Variants in ZDHHC21 observed in about 807,000 individuals in gnomAD.
ZDHHC21 encodes palmitoyltransferase ZDHHC21.
A neutral mutation model predicts 34.6 loss-of-function variants in ZDHHC21; 15 were observed. That is an observed-to-expected ratio of 0.43 (90% CI 0.29 to 0.67). ZDHHC21 has a LOEUF of 0.67. Ranked by LOEUF, ZDHHC21 falls within the 30% of genes least tolerant of loss-of-function variation. The pLI is 0.14. For synonymous variants in ZDHHC21, 142 were observed against 101.8 expected (o/e 1.40, Z -2.38); for missense variants, 344 against 327.7 (o/e 1.05, Z -0.38).
At chr9:14,673,717 T>C (rs953506138) in intron 4 of ZDHHC21, among the ~76,000 whole-genome samples, 6 of 139,852 alleles carry the variant, frequency 4.3e-5, no homozygotes, top group African/African-American at 1.6e-4. Context: ...AATTTCAATT[T>C]ATTTTAATCA....
Position 14,618,955 on chromosome 9 carries a change from C to A in ZDHHC21, c.*11G>T. 6.3e-7 allele frequency: 1 copy of A among 1,587,492 alleles called. No homozygotes were observed. The highest frequency in any genetic ancestry group is 1.7e-4 in the Middle Eastern group (1 of 5,934). ...GCATGGAGGACCCATCTGTGCCCAC[C>A]ATCCATCTGTTTAGACATGATTGGC... On this transcript the variant is annotated 3_prime_UTR_variant, in exon 10 of 10. Transcript: ENST00000380916.
At chr9:14,691,429 A>ATT (rs1563762523) in intron 1 of ZDHHC21, among the ~76,000 whole-genome samples, 2 of 152,188 alleles carry the variant, frequency 1.3e-5, no homozygotes, top group Non-Finnish European at 1.5e-5. Flanking sequence ...TAAAACCATT[A>ATT]TTTTATTCAT....
At chr9:14,652,945 C>A (rs1321004533) in intron 7 of ZDHHC21, among the ~76,000 whole-genome samples, 1 of 151,950 alleles carries the variant, frequency 6.6e-6, no homozygotes, top group African/African-American at 2.4e-5. Context: ...TACTATGCTG[C>A]CACCTATCTA....
At chr9:14,640,322 AAAAG>A (rs1564260411) in intron 7 of ZDHHC21, among the ~76,000 whole-genome samples, 105 of 150,744 alleles carry the variant, frequency 7.0e-4, no homozygotes, top group African/African-American at 2.4e-3. Flanking sequence ...AAAAAAAAAA[AAAAG>A]AAAGAAAGAA....
At chr9:14,632,953 A>G (rs963635859) in intron 8 of ZDHHC21, among the ~76,000 whole-genome samples, 2 of 152,214 alleles carry the variant, frequency 1.3e-5, no homozygotes, top group Non-Finnish European at 2.9e-5. Context: ...AGAACCCTCA[A>G]ATACTGCTAG....
rs1426405890 is a variant in ZDHHC21, at chr9:14,611,137, GAAGT to G, written c.*7825_*7828del. 6.6e-6 allele frequency: 1 copy of G among 151,726 alleles called. No homozygotes were observed. Among genetic ancestry groups the G allele is most frequent in the Non-Finnish European group, 1.5e-5 (1 of 67,842 alleles). 9.4% of individuals were successfully genotyped at this position (151,726 alleles called of 1,614,324 possible). A position where few individuals can be genotyped will look rare whatever the true frequency, so the allele number is the denominator to read the frequency against. ...AAATACAGTACTTAATACATTTTGA[GAAGT>G]AAAAATTCCACAATTTAAATTAAAA... is the stretch of plus-strand genomic sequence containing the variant. On this transcript the variant is annotated 3_prime_UTR_variant, in exon 10 of 10. Coordinates refer to ENST00000380916, the MANE Select transcript of ZDHHC21 (RefSeq NM_178566.6).
At chr9:14,640,047 G>T in intron 7 of ZDHHC21, 35 bp from the exon 8 acceptor site, 1 of 1,308,360 alleles carries the variant, frequency 7.6e-7, no homozygotes, top group Non-Finnish European at 1.1e-6. Flanking sequence ...AAACCATTCA[G>T]AGTTGCTTAC....
At chr9:14,626,266 A>T (rs1826189239) in intron 8 of ZDHHC21, among the ~76,000 whole-genome samples, 1 of 151,956 alleles carries the variant, frequency 6.6e-6, no homozygotes, top group Non-Finnish European at 1.5e-5. Flanking sequence ...GCAAACCATA[A>T]ATATAAGATT....
At chr9:14,683,067 C>T (rs1456696563) in intron 2 of ZDHHC21, among the ~76,000 whole-genome samples, 3 of 151,558 alleles carry the variant, frequency 2.0e-5, no homozygotes, top group Non-Finnish European at 2.9e-5. Context: ...GCACTAAATG[C>T]CCACAAGAGA....
At chr9:14,627,003 T>A (rs35576718) in intron 8 of ZDHHC21, among the ~76,000 whole-genome samples, 1,641 of 152,176 alleles carry the variant, frequency 0.011, 16 homozygotes, top group Non-Finnish European at 0.017. Context: ...GGGGTCAGCA[T>A]AATTAGCAAT....
chr9:14,676,972 G>A (rs951665005), intron 3 of ZDHHC21, among the ~76,000 whole-genome samples: 2 of 151,900 alleles, frequency 1.3e-5, no homozygotes, highest in Admixed American at 6.6e-5. Context: ...ATATATGAGA[G>A]TAGCTTAAAT....
intron 8 of ZDHHC21, among the ~76,000 whole-genome samples, chr9:14,638,339 A>G (rs935427499): frequency 2.0e-5 from 3 of 152,080 alleles, no homozygotes; most frequent in Non-Finnish European, 4.4e-5. Flanking sequence ...ATCCATATGC[A>G]TAAGAATGAA....
chr9:14,669,582 T>C (rs1311029230), intron 5 of ZDHHC21, among the ~76,000 whole-genome samples: 2 of 148,174 alleles, frequency 1.3e-5, no homozygotes, highest in Non-Finnish European at 3.0e-5. Context: ...TTATTCACAA[T>C]AGCAAAGACT....
chr9:14,670,286 A>G (rs1835219607), intron 5 of ZDHHC21, among the ~76,000 whole-genome samples: 1 of 152,154 alleles, frequency 6.6e-6, no homozygotes, highest in Non-Finnish European at 1.5e-5. Context: ...TAGTTAGAGA[A>G]AGCCTACAAT....
At chr9:14,669,909 A>T (rs1379092791) in intron 5 of ZDHHC21, among the ~76,000 whole-genome samples, 1 of 146,858 alleles carries the variant, frequency 6.8e-6, no homozygotes, top group African/African-American at 2.5e-5. Context: ...ATGCTAGATG[A>T]CGAGTTAGTG....
chr9:14,628,635 CCCACTTCTTTCTT>C (rs1394400898), intron 8 of ZDHHC21, among the ~76,000 whole-genome samples: 1 of 152,064 alleles, frequency 6.6e-6, no homozygotes, highest in African/African-American at 2.4e-5. Context: ...GATTCTTTCT[CCCACTTCTTTCTT>C]ATGCAACCTG....
At chr9:14,660,709 G>T (rs1374629974) in intron 6 of ZDHHC21, among the ~76,000 whole-genome samples, 1 of 151,928 alleles carries the variant, frequency 6.6e-6, no homozygotes, top group Non-Finnish European at 1.5e-5. Context: ...GAAGCAAGAG[G>T]CCCAGAAAGA....
At chr9:14,632,893 T>G (rs1827603647) in intron 8 of ZDHHC21, among the ~76,000 whole-genome samples, 1 of 152,082 alleles carries the variant, frequency 6.6e-6, no homozygotes, top group African/African-American at 2.4e-5. Flanking sequence ...GGTATTACCG[T>G]TTTTTAAAAG....
intron 6 of ZDHHC21, among the ~76,000 whole-genome samples, chr9:14,659,566 T>A (rs1254736346): frequency 6.6e-6 from 1 of 152,196 alleles, no homozygotes; most frequent in East Asian, 1.9e-4. Context: ...GTATCCAAAT[T>A]GTCAAAGTAT....
Sources: gnomAD v4.1 joint callset for allele counts (sites outside exome capture counted in the v4.1 genomes callset) on GRCh38, gnomAD v4.1.1 for gene constraint, MANE v1.5 for transcripts, NCBI Gene and HGNC (gene_info 2026-07-23, HGNC 2026-07-21) for gene names.